Variants in CYYR1 observed in about 807,000 individuals in gnomAD.
CYYR1 encodes the protein cysteine and tyrosine rich 1.
In CYYR1, 14 loss-of-function variants were observed where a neutral mutation model predicts 15.2. The observed-to-expected ratio is 0.92, with a 90% CI of 0.61 to 1.44. The LOEUF is 1.44. Ranked by LOEUF, CYYR1 falls within the 40% of genes most tolerant of loss-of-function variation. The pLI, the probability that CYYR1 is intolerant of heterozygous loss-of-function variation, is 0.00. For synonymous variants in CYYR1, 80 were observed against 77.4 expected, an observed-to-expected ratio of 1.03 and a Z score of -0.18; for missense variants, 228 against 209.5, an observed-to-expected ratio of 1.09 and a Z score of -0.54.
At position 26,467,092 on chromosome 21, in the gene CYYR1, T is replaced by C. The variant is rs531829295; in HGVS notation, c.*1409A>G. On this transcript the variant is annotated 3_prime_UTR_variant, in exon 4 of 4. Transcript: ENST00000652641. ...TTTCATTCAGCAAAATTCTTGGCACTGTTTTGGGATTTCACTGAATTTTGA... is the reference window on the plus strand; with the variant it reads ...TTTCATTCAGCAAAATTCTTGGCACCGTTTTGGGATTTCACTGAATTTTGA... The C allele has an allele frequency of 8.5e-5, 13 of 152,296 alleles. No individual in the cohort carries two copies. The highest frequency in any genetic ancestry group is 3.1e-4 in the African/African-American group (13 of 41,580). 9.4% of individuals were successfully genotyped at this position (152,296 alleles called of 1,614,324 possible).
At chr21:26,543,621 T>C (rs1978729547) in intron 2 of CYYR1, among the ~76,000 whole-genome samples, 1 of 152,140 alleles carries the variant, frequency 6.6e-6, no homozygotes, top group South Asian at 2.1e-4. Flanking sequence ...AATGGTCACA[T>C]ATAGCTGGGC....
chr21:26,571,256 A>C (rs1423781076), intron 1 of CYYR1, among the ~76,000 whole-genome samples: 2 of 152,264 alleles, frequency 1.3e-5, no homozygotes, highest in Non-Finnish European at 2.9e-5. Flanking sequence ...TTGACACCAA[A>C]GAGCTTATTA....
chr21:26,491,997 C>G (rs2065335383), intron 2 of CYYR1, among the ~76,000 whole-genome samples: 1 of 152,200 alleles, frequency 6.6e-6, no homozygotes. Flanking sequence ...GACTCAACAG[C>G]TCCTGCCCAG....
intron 2 of CYYR1, among the ~76,000 whole-genome samples, chr21:26,558,235 C>T (rs542124982): frequency 3.7e-4 from 56 of 152,182 alleles, no homozygotes; most frequent in African/African-American, 1.3e-3. Context: ...TTTTCCATTG[C>T]CTTTTTTTAA....
chr21:26,484,909 G>T (rs2065230760), intron 2 of CYYR1, among the ~76,000 whole-genome samples: 1 of 151,986 alleles, frequency 6.6e-6, no homozygotes, highest in Non-Finnish European at 1.5e-5. Flanking sequence ...CATGAAGTTG[G>T]TGCCCTTGAT....
At chr21:26,483,888 T>C (rs370325183) in intron 2 of CYYR1, among the ~76,000 whole-genome samples, 1 of 152,062 alleles carries the variant, frequency 6.6e-6, no homozygotes, top group Admixed American at 6.6e-5. Context: ...AGTTTGGTGC[T>C]CATTTGACTC....
intron 2 of CYYR1, among the ~76,000 whole-genome samples, chr21:26,556,078 A>G (rs1979756333): frequency 6.6e-6 from 1 of 152,204 alleles, no homozygotes. Context: ...ATTATAATTT[A>G]TCATAAACAG....
chr21:26,528,742 A>G (rs1024958064), intron 2 of CYYR1, among the ~76,000 whole-genome samples: 6 of 152,342 alleles, frequency 3.9e-5, no homozygotes, highest in African/African-American at 1.4e-4. Context: ...AGTTCAATCT[A>G]TTGGATGGTA....
intron 2 of CYYR1, among the ~76,000 whole-genome samples, chr21:26,558,088 C>T (rs910856041): frequency 6.6e-6 from 1 of 152,180 alleles, no homozygotes; most frequent in African/African-American, 2.4e-5. Context: ...TCCAGGTGTA[C>T]TGGGCAGATA....
intron 2 of CYYR1, among the ~76,000 whole-genome samples, chr21:26,483,671 C>G (rs1369171): frequency 0.81 from 123,419 of 152,066 alleles, 50,840 homozygotes; most frequent in Non-Finnish European, 0.85. Flanking sequence ...TCATCTCAGA[C>G]ACCCAGTCTC....
At chr21:26,532,090 C>CAT (rs1395718883) in intron 2 of CYYR1, among the ~76,000 whole-genome samples, 2 of 152,098 alleles carry the variant, frequency 1.3e-5, no homozygotes, top group East Asian at 1.9e-4. Flanking sequence ...GATTTCCTTA[C>CAT]ATATGCAAAA....
chr21:26,527,720 T>C (rs1183540118), intron 2 of CYYR1, among the ~76,000 whole-genome samples: 1 of 152,180 alleles, frequency 6.6e-6, no homozygotes, highest in Non-Finnish European at 1.5e-5. Context: ...AGAGTACTGC[T>C]GCCAAATTCA....
intron 2 of CYYR1, among the ~76,000 whole-genome samples, chr21:26,504,661 C>A (rs1951293502): frequency 1.3e-5 from 2 of 152,084 alleles, no homozygotes; most frequent in African/African-American, 4.8e-5. Flanking sequence ...TACAAATAAT[C>A]CAATTACATT....
intron 2 of CYYR1, among the ~76,000 whole-genome samples, chr21:26,485,250 G>T (rs1273486025): frequency 3.3e-5 from 5 of 151,910 alleles, no homozygotes; most frequent in African/African-American, 4.8e-5. Context: ...TACAGAGAGA[G>T]CTCACGTACC....
intron 2 of CYYR1, among the ~76,000 whole-genome samples, chr21:26,555,537 A>C (rs929052998): frequency 1.3e-5 from 2 of 152,176 alleles, no homozygotes; most frequent in Non-Finnish European, 2.9e-5. Flanking sequence ...ATTTGTGCAA[A>C]GGCATAAATT....
chr21:26,560,283 T>G (rs964908749), intron 2 of CYYR1, among the ~76,000 whole-genome samples: 2 of 152,238 alleles, frequency 1.3e-5, no homozygotes, highest in Non-Finnish European at 2.9e-5. Flanking sequence ...ATATACCACT[T>G]TGGACACTGA....
At chr21:26,502,286 A>G (rs1249393132) in intron 2 of CYYR1, among the ~76,000 whole-genome samples, 2 of 147,800 alleles carry the variant, frequency 1.4e-5, no homozygotes, top group Non-Finnish European at 1.5e-5. Flanking sequence ...TTTGCTATGT[A>G]TAGAATTGAG....
chr21:26,556,329 C>T (rs1417547613), intron 2 of CYYR1, among the ~76,000 whole-genome samples: 1 of 152,148 alleles, frequency 6.6e-6, no homozygotes, highest in Admixed American at 6.6e-5. Context: ...ATCCTTCAAT[C>T]TATTAGGCCC....
At chr21:26,534,170 C>G (rs1336504116) in intron 2 of CYYR1, among the ~76,000 whole-genome samples, 1 of 152,108 alleles carries the variant, frequency 6.6e-6, no homozygotes, top group Admixed American at 6.6e-5. Context: ...GTTTACCTGT[C>G]CAGTTTCTCA....
Sources: allele counts gnomAD v4.1 joint callset (sites outside exome capture counted in the v4.1 genomes callset), GRCh38; gene constraint gnomAD v4.1.1; transcripts MANE v1.5; gene names NCBI Gene and HGNC (gene_info 2026-07-23, HGNC 2026-07-21).